Variants in SKAP2 observed in about 807,000 individuals in gnomAD.
SKAP2 encodes src kinase associated phosphoprotein 2.
In SKAP2, 28 loss-of-function variants were observed where a neutral mutation model predicts 54.9. That is an observed-to-expected ratio of 0.51 (90% CI 0.38 to 0.70). The LOEUF is 0.70. SKAP2 is among the 30% of genes least tolerant of loss of function. SKAP2 has a pLI of 0.00. For missense variants in SKAP2, 356 were observed against 424.1 expected, an observed-to-expected ratio of 0.84 and a Z score of 1.41; for synonymous variants, 137 against 134.3, an observed-to-expected ratio of 1.02 and a Z score of -0.14.
intron 9 of SKAP2, among the ~76,000 whole-genome samples, chr7:26,721,038 TAGC>T (rs1451195632): frequency 6.6e-6 from 1 of 152,168 alleles, no homozygotes; most frequent in Non-Finnish European, 1.5e-5. Flanking sequence ...AAAATAATGT[TAGC>T]AGGCTGCCTA....
At chr7:26,749,256 T>A (rs534966619) in intron 4 of SKAP2, among the ~76,000 whole-genome samples, 4 of 152,224 alleles carry the variant, frequency 2.6e-5, no homozygotes, top group African/African-American at 9.6e-5. Flanking sequence ...TTATACATAA[T>A]AAAGATTAGC....
intron 9 of SKAP2, among the ~76,000 whole-genome samples, chr7:26,697,325 G>C (rs1274054598): frequency 6.6e-6 from 1 of 152,154 alleles, no homozygotes; most frequent in African/African-American, 2.4e-5. Context: ...ATGGCAAAAG[G>C]GAATGTATAT....
downstream of SKAP2, among the ~76,000 whole-genome samples, chr7:26,664,287 G>T (rs1712110281): frequency 1.3e-5 from 2 of 152,036 alleles, no homozygotes; most frequent in South Asian, 4.1e-4. Flanking sequence ...TATAAGAATT[G>T]AATGAAAAGT....
At chr7:26,720,104 T>G (rs1055363017) in intron 9 of SKAP2, among the ~76,000 whole-genome samples, 1 of 150,642 alleles carries the variant, frequency 6.6e-6, no homozygotes, top group South Asian at 2.1e-4. Flanking sequence ...ATCCCAGTTA[T>G]GATAACCAAA....
chr7:26,794,382 G>T (rs948976239), intron 4 of SKAP2, among the ~76,000 whole-genome samples: 18 of 152,198 alleles, frequency 1.2e-4, no homozygotes, highest in African/African-American at 4.1e-4. Flanking sequence ...TTCCAAGCTA[G>T]GGAATCTGGG....
intron 2 of SKAP2, 37 bp downstream of exon 2, chr7:26,854,748 A>C (rs1221217069): frequency 6.5e-7 from 1 of 1,539,656 alleles, no homozygotes; most frequent in South Asian, 1.2e-5. Context: ...AACTGCTTCT[A>C]TGTAAGAAAT....
chr7:26,851,732 AAAAG>A (rs917022766), intron 3 of SKAP2, among the ~76,000 whole-genome samples: 8 of 150,604 alleles, frequency 5.3e-5, no homozygotes, highest in African/African-American at 2.0e-4. Flanking sequence ...AAAAAAAAAA[AAAAG>A]AAATACCTCA....
intron 4 of SKAP2, among the ~76,000 whole-genome samples, chr7:26,841,669 G>A (rs899089443): frequency 1.3e-5 from 2 of 151,968 alleles, no homozygotes; most frequent in African/African-American, 4.8e-5. Context: ...TTGAACCAGA[G>A]GAATAGAGAA....
chr7:26,819,577 A>C (rs1047452499), intron 4 of SKAP2, among the ~76,000 whole-genome samples: 8 of 151,804 alleles, frequency 5.3e-5, no homozygotes. Flanking sequence ...ACTTAAAAAA[A>C]AAAAAGAACT....
intron 6 of SKAP2, among the ~76,000 whole-genome samples, chr7:26,730,161 C>T (rs1269492062): frequency 1.3e-5 from 2 of 152,180 alleles, no homozygotes; most frequent in African/African-American, 4.8e-5. Context: ...CACTGTTCTC[C>T]TCCTTTCACA....
intron 4 of SKAP2, among the ~76,000 whole-genome samples, chr7:26,751,467 C>A (rs1039667051): frequency 6.6e-6 from 1 of 152,126 alleles, no homozygotes; most frequent in Non-Finnish European, 1.5e-5. Flanking sequence ...ATTCTTAATG[C>A]TTTAGTCTTC....
At chr7:26,663,723 C>T (rs1419816079), downstream of SKAP2, among the ~76,000 whole-genome samples, 4 of 152,076 alleles carry the variant, frequency 2.6e-5, no homozygotes, top group Admixed American at 6.6e-5. Context: ...TCAAGGCTCC[C>T]CTGGCTGGTC....
At chr7:26,744,317 AG>A (rs990858735) in intron 4 of SKAP2, among the ~76,000 whole-genome samples, 1 of 152,210 alleles carries the variant, frequency 6.6e-6, no homozygotes, top group African/African-American at 2.4e-5. Flanking sequence ...AGTCTGTGGT[AG>A]GAAGTATCAC....
At chr7:26,830,262 T>C (rs1410558867) in intron 4 of SKAP2, among the ~76,000 whole-genome samples, 1 of 152,156 alleles carries the variant, frequency 6.6e-6, no homozygotes, top group East Asian at 1.9e-4. Flanking sequence ...AGGAGAAAAC[T>C]GAGAGTGACT....
At chr7:26,761,384 G>T (rs368251365) in intron 4 of SKAP2, among the ~76,000 whole-genome samples, 114 of 152,290 alleles carry the variant, frequency 7.5e-4, no homozygotes, top group Admixed American at 2.1e-3. Context: ...CATCTCCAAT[G>T]TAATGCATAG....
chr7:26,663,624 A>C (rs1786057240), downstream of SKAP2, among the ~76,000 whole-genome samples: 1 of 152,202 alleles, frequency 6.6e-6, no homozygotes, highest in Admixed American at 6.5e-5. Context: ...GTTTGTTAAC[A>C]ATCCTTTATG....
chr7:26,748,700 T>C (rs1425775132), intron 4 of SKAP2, among the ~76,000 whole-genome samples: 1 of 152,152 alleles, frequency 6.6e-6, no homozygotes, highest in Non-Finnish European at 1.5e-5. Context: ...ACATTCTCCT[T>C]AAGTTAAAAA....
chr7:26,778,278 G>A (rs1221108582), intron 4 of SKAP2, among the ~76,000 whole-genome samples: 2 of 152,044 alleles, frequency 1.3e-5, no homozygotes, highest in East Asian at 1.9e-4. Flanking sequence ...GGGGAAATAC[G>A]ACATTTAATC....
intron 4 of SKAP2, among the ~76,000 whole-genome samples, chr7:26,794,256 G>C (rs1455433695): frequency 1.3e-5 from 2 of 152,090 alleles, no homozygotes; most frequent in African/African-American, 4.8e-5. Flanking sequence ...ATCCTAGGGG[G>C]AGGAAAAAGT....
Sources: allele counts gnomAD v4.1 joint callset (sites outside exome capture counted in the v4.1 genomes callset), GRCh38; gene constraint gnomAD v4.1.1; transcripts MANE v1.5; gene names NCBI Gene and HGNC (gene_info 2026-07-23, HGNC 2026-07-21).